SLC1A2: variants seen among roughly 807,000 people sequenced by gnomAD.
SLC1A2 encodes the protein solute carrier family 1 member 2.
A neutral mutation model predicts 48.8 loss-of-function variants in SLC1A2; 15 were observed. The observed-to-expected ratio is 0.31, with a 90% CI of 0.21 to 0.47. The LOEUF (loss-of-function observed/expected upper bound fraction) is 0.47. SLC1A2 is among the 20% of genes least tolerant of loss of function. The pLI is 0.99. For missense variants in SLC1A2, 502 were observed against 730.5 expected (o/e 0.69, Z 3.61); for synonymous variants, 279 against 272.6 (o/e 1.02, Z -0.23).
At chr11:35,287,950 A>G (rs890162804) in intron 7 of SLC1A2, among the ~76,000 whole-genome samples, 3 of 152,112 alleles carry the variant, frequency 2.0e-5, no homozygotes, top group African/African-American at 4.8e-5. Flanking sequence ...GAATTAGAAA[A>G]CCTGCAATGC....
At chr11:35,305,735 C>G (rs147072434) in intron 5 of SLC1A2, among the ~76,000 whole-genome samples, 1 of 152,280 alleles carries the variant, frequency 6.6e-6, no homozygotes, top group South Asian at 2.1e-4. Flanking sequence ...GCTTAAGAAA[C>G]GAAAGCAATG....
chr11:35,312,571 A>C, intron 3 of SLC1A2, 123 bp from the exon 4 acceptor site: 1 of 1,139,824 alleles, frequency 8.8e-7, no homozygotes, highest in Non-Finnish European at 1.2e-6. Flanking sequence ...TAAATCTCCT[A>C]CTGTAGTCTT....
intron 1 of SLC1A2, among the ~76,000 whole-genome samples, chr11:35,409,651 A>G (rs1208437663): frequency 6.6e-6 from 1 of 152,156 alleles, no homozygotes; most frequent in African/African-American, 2.4e-5. Flanking sequence ...GTTCACGCCT[A>G]TAATCTCAGC....
intron 1 of SLC1A2, among the ~76,000 whole-genome samples, chr11:35,336,102 T>A (rs3847617): frequency 6.6e-6 from 1 of 150,450 alleles, no homozygotes; most frequent in African/African-American, 2.4e-5. Context: ...CACTTATAAG[T>A]AGGAGCTGAA....
chr11:35,379,833 G>A (rs1017012234), intron 1 of SLC1A2, among the ~76,000 whole-genome samples: 7 of 152,186 alleles, frequency 4.6e-5, no homozygotes, highest in East Asian at 1.9e-4. Context: ...CTTACGTGGC[G>A]AATCCCAACA....
chr11:35,284,400 CTG>C (rs1194669955), intron 8 of SLC1A2, among the ~76,000 whole-genome samples: 16 of 152,072 alleles, frequency 1.1e-4, no homozygotes, highest in Admixed American at 5.2e-4. Context: ...CTCTAGACGG[CTG>C]TGTGTGATCT....
intron 1 of SLC1A2, among the ~76,000 whole-genome samples, chr11:35,354,478 A>C (rs1041214054): frequency 2.2e-4 from 34 of 152,058 alleles, no homozygotes; most frequent in African/African-American, 8.0e-4. Flanking sequence ...AACTAAATAA[A>C]TAAATAAAAT....
intron 9 of SLC1A2, among the ~76,000 whole-genome samples, chr11:35,267,024 G>C (rs1950496326): frequency 6.6e-6 from 1 of 152,168 alleles, no homozygotes; most frequent in Non-Finnish European, 1.5e-5. Flanking sequence ...ATCAGAGCTG[G>C]AGTTTAACTC....
rs914746932 is a variant in SLC1A2 at position 35,292,595 on chromosome 11, C to T, written c.858-75G>A. The T allele has an allele frequency of 5.0e-6, 4 of 801,566 alleles. 1 individual carries two copies. The South Asian group carries it at 5.1e-5, about 10-fold the overall frequency. 49.7% of individuals were successfully genotyped at this position (801,566 alleles called of 1,614,324 possible). On this transcript the variant is annotated intron_variant, in intron 6 of 10. Coordinates refer to ENST00000278379, the MANE Select transcript of SLC1A2 (RefSeq NM_004171.4). The stretch of plus-strand genomic sequence containing the variant: ...CAGAACCTGGGCCTCCTCTGTACCG[C>T]ACACTGAGGAAAACGCTTGGCTCTT...
At chr11:35,265,208 CA>C (rs1950461338) in intron 10 of SLC1A2, 2 of 427,128 alleles carry the variant, frequency 4.7e-6, no homozygotes, top group Non-Finnish European at 8.2e-6. Flanking sequence ...CTAGTAACCA[CA>C]AATTCTTGGG....
chr11:35,414,365 C>G (rs1319325593), intron 1 of SLC1A2, among the ~76,000 whole-genome samples: 2 of 152,166 alleles, frequency 1.3e-5, no homozygotes, highest in South Asian at 4.2e-4. Flanking sequence ...GCCAACCAGA[C>G]AGATTTATAA....
intron 4 of SLC1A2, among the ~76,000 whole-genome samples, chr11:35,307,918 G>A (rs1008320720): frequency 1.3e-5 from 2 of 152,142 alleles, no homozygotes; most frequent in Admixed American, 1.3e-4. Context: ...TGCTGTGTGA[G>A]GGGAGAACAG....
intron 1 of SLC1A2, among the ~76,000 whole-genome samples, chr11:35,405,766 C>A (rs750112977): frequency 7.9e-5 from 12 of 152,198 alleles, no homozygotes; most frequent in East Asian, 1.9e-4. Context: ...ATTCTTGTAA[C>A]CTCCTTGAAC....
Position 35,374,272 on chromosome 11 carries a change from T to TCAG in SLC1A2, c.17+44677_17+44678insCTG, listed in dbSNP as rs1555017413. ...CACTCCCGAAGCTGAGAAATGGAAC[T>TCAG]CTTAACATTCAGGGATGTGGCCACA... On this transcript the variant is annotated intron_variant, in intron 1 of 10. Transcript: ENST00000278379. The TCAG allele has an allele frequency of 4.0e-6, 4 of 991,552 alleles. No individual in the cohort carries two copies. The Admixed American group carries it at 8.1e-5, about 20-fold the overall frequency. The allele number at this position is 991,552 out of a possible 1,614,324, so 61.4% of individuals were successfully genotyped here.
At chr11:35,364,998 G>A (rs536577406) in intron 1 of SLC1A2, among the ~76,000 whole-genome samples, 84 of 152,322 alleles carry the variant, frequency 5.5e-4, no homozygotes, top group African/African-American at 1.4e-3. Context: ...CAGCCAATGC[G>A]TTTTAGAGTA....
intron 8 of SLC1A2, among the ~76,000 whole-genome samples, chr11:35,284,471 C>T (rs1850748622): frequency 6.6e-6 from 1 of 151,930 alleles, no homozygotes; most frequent in Admixed American, 6.6e-5. Context: ...AGCAAGAGAA[C>T]CACTGGGAGA....
intron 1 of SLC1A2, among the ~76,000 whole-genome samples, chr11:35,395,347 T>C (rs1236953753): frequency 6.6e-6 from 1 of 151,972 alleles, no homozygotes; most frequent in East Asian, 1.9e-4. Flanking sequence ...GATAAAGTCA[T>C]TGTATGTGTG....
chr11:35,397,713 C>T (rs1329047861), intron 1 of SLC1A2, among the ~76,000 whole-genome samples: 4 of 151,996 alleles, frequency 2.6e-5, no homozygotes, highest in African/African-American at 9.7e-5. Context: ...AATTAGAGCC[C>T]TTATAAAAGA....
chr11:35,327,432 G>A lies in SLC1A2; in HGVS notation c.18-9916C>T, dbSNP rs117778589. Among the ~76,000 whole-genome samples, 881 of 152,292 alleles carry A rather than the reference G, an allele frequency of 5.8e-3. 5 individuals carry two copies. The highest frequency in any genetic ancestry group is 9.6e-3 in the Non-Finnish European group (653 of 68,014). ...GAACATGTAAACATCTCCTTCAGAT[G>A]AGGCAAAACAGCGGGGCCTTAAGGT... is the stretch of plus-strand genomic sequence containing the variant. On this transcript the variant is annotated intron_variant, in intron 1 of 10. Transcript: ENST00000278379.
Sources: allele counts gnomAD v4.1 joint callset (sites outside exome capture counted in the v4.1 genomes callset), GRCh38; gene constraint gnomAD v4.1.1; transcripts MANE v1.5; gene names NCBI Gene and HGNC (gene_info 2026-07-23, HGNC 2026-07-21).